CDH18: variants seen among roughly 807,000 people sequenced by gnomAD.
CDH18 encodes the protein cadherin 18, also known as cadherin-18.
CDH18 carries 31 observed loss-of-function variants against 67.9 expected under a neutral mutation model. The observed-to-expected ratio is 0.46, with a 90% confidence interval of 0.34 to 0.62. The LOEUF (loss-of-function observed/expected upper bound fraction) is 0.62. Ranked by LOEUF, CDH18 falls within the 20% of genes least tolerant of loss-of-function variation. The pLI, the probability that CDH18 is intolerant of heterozygous loss-of-function variation, is 0.01. For missense variants in CDH18, 890 were observed against 975.5 expected (o/e 0.91, Z 1.17); for synonymous variants, 362 against 347.2 (o/e 1.04, Z -0.48).
intron 2 of CDH18, among the ~76,000 whole-genome samples, chr5:20,119,409 C>A (rs574497167): frequency 6.6e-6 from 1 of 152,236 alleles, no homozygotes; most frequent in South Asian, 2.1e-4. Flanking sequence ...TTATGCCCCA[C>A]CATCCATGCA....
At chr5:19,690,341 T>C (rs1174467168) in intron 5 of CDH18, among the ~76,000 whole-genome samples, 2 of 151,454 alleles carry the variant, frequency 1.3e-5, no homozygotes, top group African/African-American at 2.4e-5. Context: ...TAAATACCTA[T>C]ATCAAAAAAT....
intron 1 of CDH18, among the ~76,000 whole-genome samples, chr5:20,478,301 G>C (rs1229171547): frequency 1.3e-5 from 2 of 152,074 alleles, no homozygotes; most frequent in Non-Finnish European, 2.9e-5. Flanking sequence ...GTTGGCTCCT[G>C]GGGTCCCCAA....
At chr5:19,701,173 T>C (rs1259024001) in intron 5 of CDH18, among the ~76,000 whole-genome samples, 1 of 152,136 alleles carries the variant, frequency 6.6e-6, no homozygotes, top group Non-Finnish European at 1.5e-5. Flanking sequence ...GGGAAATTTA[T>C]GTGTTTTAAA....
chr5:19,786,794 T>C (rs1424997427), intron 3 of CDH18, among the ~76,000 whole-genome samples: 1 of 152,124 alleles, frequency 6.6e-6, no homozygotes, highest in Non-Finnish European at 1.5e-5. Context: ...AGCCATTCTT[T>C]AGTTCTTCTA....
chr5:19,746,639 GA>G (rs1770033173), intron 4 of CDH18, among the ~76,000 whole-genome samples: 2 of 152,204 alleles, frequency 1.3e-5, no homozygotes, highest in Admixed American at 1.3e-4. Flanking sequence ...GAATTCACGT[GA>G]TAGAAGAGCC....
chr5:19,713,717 G>GA (rs905622988), intron 5 of CDH18, among the ~76,000 whole-genome samples: 18 of 152,026 alleles, frequency 1.2e-4, no homozygotes, highest in African/African-American at 4.3e-4. Flanking sequence ...GAGTATCAGA[G>GA]AAAAATGCAT....
intron 7 of CDH18, among the ~76,000 whole-genome samples, chr5:19,581,671 G>C (rs994526548): frequency 6.6e-6 from 1 of 152,000 alleles, no homozygotes; most frequent in African/African-American, 2.4e-5. Context: ...AGATTGGGTA[G>C]ATAGGGTCGA....
chr5:19,534,777 T>C (rs1162672062), intron 9 of CDH18, among the ~76,000 whole-genome samples: 2 of 152,158 alleles, frequency 1.3e-5, no homozygotes, highest in Non-Finnish European at 2.9e-5. Context: ...TTAATAATAT[T>C]AAATACAATA....
intron 5 of CDH18, among the ~76,000 whole-genome samples, chr5:19,694,682 T>C (rs559275969): frequency 5.3e-5 from 8 of 152,110 alleles, no homozygotes; most frequent in African/African-American, 1.4e-4. Context: ...TGTGTCTGTG[T>C]GTGTTTATTT....
intron 2 of CDH18, among the ~76,000 whole-genome samples, chr5:19,993,937 C>T (rs1046754352): frequency 6.6e-6 from 1 of 152,122 alleles, no homozygotes; most frequent in Non-Finnish European, 1.5e-5. Flanking sequence ...CACGCTTCCT[C>T]TAACTATAAC....
intron 1 of CDH18, among the ~76,000 whole-genome samples, chr5:20,388,484 G>C (rs1239023706): frequency 6.6e-6 from 1 of 151,808 alleles, no homozygotes; most frequent in Non-Finnish European, 1.5e-5. Context: ...TCTTGCTAGT[G>C]GTCTATCAAT....
At position 20,314,532 on chromosome 5, in the gene CDH18, G is replaced by C. The variant is rs111988517; in HGVS notation, c.-579-59027C>G. On this transcript the variant is annotated intron_variant, in intron 1 of 14. Transcript: ENST00000507958. ...ATGAATGAAAGAACTAACTACTTTG[G>C]GGTATCTGTGGGTATGCATCTAGGT... Among the ~76,000 whole-genome samples, 91 of 152,062 alleles carry C rather than the reference G, an allele frequency of 6.0e-4. 1 individual carries two copies. The highest frequency in any genetic ancestry group is 1.8e-3 in the African/African-American group (75 of 41,514).
rs574657224 is a variant in CDH18 at position 19,781,855 on chromosome 5, T to C, written c.229-34619A>G. 3.3e-5 allele frequency among the ~76,000 whole-genome samples: 5 copies of C among 152,284 alleles called. No individual in the cohort carries two copies. In the South Asian group the frequency reaches 1.0e-3, roughly 32 times the overall value. ...ATTAAGTTTTTGACATCCATAATTTTTGGATAATTTCTGCTGTGTCAAAGG... is the reference window on the plus strand; with the variant it reads ...ATTAAGTTTTTGACATCCATAATTTCTGGATAATTTCTGCTGTGTCAAAGG... On this transcript the variant is annotated intron_variant, in intron 3 of 12. Transcript: ENST00000382275.
At chr5:19,703,716 C>A (rs909378286) in intron 5 of CDH18, among the ~76,000 whole-genome samples, 2 of 151,584 alleles carry the variant, frequency 1.3e-5, no homozygotes, top group Admixed American at 6.6e-5. Flanking sequence ...ACACACACAC[C>A]CCCTGCCCCC....
rs1420110374 is a variant in CDH18, at chr5:20,470,373, C to T, written c.-580+105089G>A. ...GCAGTGACATGAATGGAGAAAAACA[C>T]ACAACCATGCTACATGATCTCATTT... On this transcript the variant is annotated intron_variant, in intron 1 of 14. Coordinates refer to the CDH18 transcript ENST00000507958. Among the ~76,000 whole-genome samples the T allele has an allele frequency of 2.6e-5, 4 of 152,174 alleles. No homozygotes were observed. The East Asian group carries it at 7.7e-4, about 29-fold the overall frequency.
intron 10 of CDH18, among the ~76,000 whole-genome samples, chr5:19,506,930 T>C (rs1298988158): frequency 6.6e-6 from 1 of 152,134 alleles, no homozygotes; most frequent in African/African-American, 2.4e-5. Context: ...AAAGAGCTTC[T>C]GCACAGTGAA....
At chr5:19,647,409 A>G (rs1754917706) in intron 5 of CDH18, among the ~76,000 whole-genome samples, 1 of 151,530 alleles carries the variant, frequency 6.6e-6, no homozygotes. Flanking sequence ...ACAGAACTGT[A>G]GTCCCAGCTA....
At chr5:19,985,049 G>A (rs558265032) in intron 1 of CDH18, among the ~76,000 whole-genome samples, 2 of 152,182 alleles carry the variant, frequency 1.3e-5, no homozygotes, top group African/African-American at 2.4e-5. Flanking sequence ...TTATATTAAA[G>A]GATCATCTGA....
intron 3 of CDH18, among the ~76,000 whole-genome samples, chr5:19,806,678 C>T (rs1778065001): frequency 6.6e-6 from 1 of 152,120 alleles, no homozygotes; most frequent in South Asian, 2.1e-4. Context: ...TGTATTGTCA[C>T]TTCAATCATT....
Sources: gnomAD v4.1 joint callset for allele counts (sites outside exome capture counted in the v4.1 genomes callset) on GRCh38, gnomAD v4.1.1 for gene constraint, MANE v1.5 for transcripts, NCBI Gene and HGNC (gene_info 2026-07-23, HGNC 2026-07-21) for gene names.